SUPT3H: variants seen among roughly 807,000 people sequenced by gnomAD.
SUPT3H encodes the protein SPT3 homolog, SAGA and STAGA complex component.
Under a neutral mutation model 44.3 loss-of-function variants are expected in SUPT3H, and 44 were observed. That is an observed-to-expected ratio of 0.99 (90% CI 0.78 to 1.28). The LOEUF is 1.28. Among genes scored for constraint, SUPT3H ranks in the 50% most tolerant of loss-of-function variants. The probability of loss-of-function intolerance (pLI) is 0.00; values close to 1 mark genes in which losing one functional copy is unlikely to be tolerated. For synonymous variants in SUPT3H, 124 were observed against 125.6 expected, an observed-to-expected ratio of 0.99 and a Z score of 0.09; for missense variants, 380 against 387.1, an observed-to-expected ratio of 0.98 and a Z score of 0.15.
chr6:44,836,086 C>T (rs866023290), intron 10 of SUPT3H, among the ~76,000 whole-genome samples: 35 of 152,042 alleles, frequency 2.3e-4, no homozygotes, highest in African/African-American at 6.0e-4. Context: ...CTTGTGTCTG[C>T]GTGTGGGCAA....
At chr6:45,214,108 A>G (rs1764626915) in intron 2 of SUPT3H, among the ~76,000 whole-genome samples, 1 of 151,792 alleles carries the variant, frequency 6.6e-6, no homozygotes, top group Admixed American at 6.6e-5. Context: ...AAATGAGCAA[A>G]CACAGCTCAC....
downstream of SUPT3H, among the ~76,000 whole-genome samples, chr6:44,824,915 T>C (rs1030163088): frequency 2.0e-5 from 3 of 152,240 alleles, no homozygotes; most frequent in Non-Finnish European, 4.4e-5. Flanking sequence ...ATGACTACTA[T>C]ATAATTAATG....
chr6:45,314,589 G>A (rs767056850), intron 2 of SUPT3H, among the ~76,000 whole-genome samples: 14 of 152,132 alleles, frequency 9.2e-5, no homozygotes, highest in Non-Finnish European at 1.8e-4. Context: ...CAAAGGAGTC[G>A]AAAGACCTCT....
chr6:45,024,702 A>T lies in SUPT3H; in HGVS notation c.187-4070T>A, dbSNP rs373838812. On this transcript the variant is annotated intron_variant, in intron 3 of 10. Coordinates refer to ENST00000371459, the MANE Select transcript of SUPT3H (RefSeq NM_003599.4). ...GGGGTACATAGACATTTGGTCAAGC[A>T]TTATTCCGGGAGTGACTATGAGGGT... Among the ~76,000 whole-genome samples the T allele has an allele frequency of 1.7e-4, 26 of 152,200 alleles. 1 individual carries two copies. In the East Asian group the frequency reaches 3.3e-3, roughly 19 times the overall value.
At chr6:45,178,196 A>G (rs980326072) in intron 2 of SUPT3H, among the ~76,000 whole-genome samples, 2 of 152,228 alleles carry the variant, frequency 1.3e-5, no homozygotes, top group Admixed American at 1.3e-4. Flanking sequence ...AGAGACACAC[A>G]TAGGCTCAAA....
In SUPT3H at chr6:44,951,509, GAC is replaced by G. The variant is rs561624347; in HGVS notation, c.801+1799_801+1800del. On this transcript the variant is annotated intron_variant, in intron 9 of 10. Coordinates refer to ENST00000371459, the MANE Select transcript of SUPT3H (RefSeq NM_003599.4). The stretch of plus-strand genomic sequence containing the variant: ...CTTCCAGTCTCTGAATATTCATCTT[GAC>G]TACCAGTCACAGGAGGGGAGGGGTG... 2.3e-3 allele frequency among the ~76,000 whole-genome samples: 348 copies of G among 152,082 alleles called. 1 individual carries two copies. Among genetic ancestry groups the G allele is most frequent in the African/African-American group, 7.7e-3 (318 of 41,488 alleles).
At chr6:45,120,279 T>A (rs1197256316) in intron 2 of SUPT3H, among the ~76,000 whole-genome samples, 1 of 151,270 alleles carries the variant, frequency 6.6e-6, no homozygotes, top group Admixed American at 6.6e-5. Context: ...ATAAAGAAAA[T>A]TTTAAAAGTG....
At chr6:45,304,050 A>T (rs1418767069) in intron 2 of SUPT3H, among the ~76,000 whole-genome samples, 1 of 152,108 alleles carries the variant, frequency 6.6e-6, no homozygotes, top group Non-Finnish European at 1.5e-5. Flanking sequence ...TAGACTATAT[A>T]CTGTAGAAAG....
intron 2 of SUPT3H, among the ~76,000 whole-genome samples, chr6:45,242,118 A>C (rs1344522133): frequency 6.6e-6 from 1 of 152,220 alleles, no homozygotes; most frequent in Non-Finnish European, 1.5e-5. Context: ...AGAAAACTAG[A>C]TAAAATACAT....
At chr6:45,209,045 T>A (rs1240893607) in intron 2 of SUPT3H, among the ~76,000 whole-genome samples, 1 of 152,196 alleles carries the variant, frequency 6.6e-6, no homozygotes, top group Non-Finnish European at 1.5e-5. Context: ...CATATCTACT[T>A]ACAGCATGGT....
At chr6:44,903,595 C>T (rs1344421610) in intron 10 of SUPT3H, among the ~76,000 whole-genome samples, 1 of 152,102 alleles carries the variant, frequency 6.6e-6, no homozygotes, top group Non-Finnish European at 1.5e-5. Context: ...CGAATTCTAC[C>T]AGAGGTACAA....
intron 10 of SUPT3H, among the ~76,000 whole-genome samples, chr6:44,869,959 A>G (rs1352332931): frequency 6.6e-6 from 1 of 152,214 alleles, no homozygotes; most frequent in Non-Finnish European, 1.5e-5. Flanking sequence ...TAAATTTACA[A>G]AGCAAAAGTA....
At chr6:44,850,764 C>CTATCTATG (rs1205139487) in intron 10 of SUPT3H, among the ~76,000 whole-genome samples, 1 of 151,876 alleles carries the variant, frequency 6.6e-6, no homozygotes, top group African/African-American at 2.4e-5. Context: ...ATCTATCTAT[C>CTATCTATG]TATCTATCTA....
chr6:45,257,132 G>A (rs989405403), intron 2 of SUPT3H, among the ~76,000 whole-genome samples: 11 of 152,138 alleles, frequency 7.2e-5, no homozygotes, highest in African/African-American at 9.7e-5. Context: ...CTATCCTAGC[G>A]AGTGTGAAGT....
At chr6:44,905,897 C>T (rs1765965454) in intron 10 of SUPT3H, among the ~76,000 whole-genome samples, 1 of 152,080 alleles carries the variant, frequency 6.6e-6, no homozygotes, top group African/African-American at 2.4e-5. Context: ...AGCTGGAAAC[C>T]ATCATTCTCA....
chr6:45,195,336 T>C lies in SUPT3H; in HGVS notation c.102-89330A>G, dbSNP rs1460038884. Among the ~76,000 whole-genome samples, 3 of 152,242 alleles carry C rather than the reference T, an allele frequency of 2.0e-5. No individual in the cohort carries two copies. The East Asian group carries it at 5.8e-4, about 29-fold the overall frequency. ...AAAAGCCACCAACTAGGTACAGGTG[T>C]GTAGGTTTTAATGCTCTCAGCCTAT... is the stretch of plus-strand genomic sequence containing the variant. On this transcript the variant is annotated intron_variant, in intron 2 of 10. Coordinates refer to ENST00000371459, the MANE Select transcript of SUPT3H (RefSeq NM_003599.4).
Position 45,361,878 on chromosome 6 carries a change from C to T in SUPT3H, c.101+3323G>A, listed in dbSNP as rs542320341. Among the ~76,000 whole-genome samples, 596 of 152,200 alleles carry T rather than the reference C, an allele frequency of 3.9e-3. 7 individuals carry two copies. Among genetic ancestry groups the T allele is most frequent in the African/African-American group, 0.014 (568 of 41,498 alleles). On this transcript the variant is annotated intron_variant, in intron 2 of 10. Coordinates refer to ENST00000371459, the MANE Select transcript of SUPT3H (RefSeq NM_003599.4). ...CCAGCCTGGCCAACATGGTGAAACC[C>T]CATCTCTACTAAAAATACAAAAATC...
At chr6:45,031,895 C>G (rs1365353442) in intron 3 of SUPT3H, among the ~76,000 whole-genome samples, 2 of 152,104 alleles carry the variant, frequency 1.3e-5, no homozygotes, top group African/African-American at 4.8e-5. Flanking sequence ...TCTTATTTAG[C>G]AGTAATGACT....
Position 44,839,319 on chromosome 6 carries a change from A to T in SUPT3H, c.913-9462T>A, listed in dbSNP as rs571802496. The stretch of plus-strand genomic sequence containing the variant: ...AATAAATGTTTGTTTCACTATTATT[A>T]TTATTTTTTTTTGAAACTGGGTCTC... On this transcript the variant is annotated intron_variant, in intron 10 of 10. Coordinates refer to ENST00000371459, the MANE Select transcript of SUPT3H (RefSeq NM_003599.4). Among the ~76,000 whole-genome samples the T allele has an allele frequency of 7.0e-3, 820 of 117,896 alleles. 12 individuals are homozygous for T. Among genetic ancestry groups the T allele is most frequent in the African/African-American group, 0.022 (748 of 34,344 alleles). The allele number at this position is 117,896 out of a possible 152,430, so 77.3% of individuals were successfully genotyped here.
Sources: allele counts gnomAD v4.1 joint callset (sites outside exome capture counted in the v4.1 genomes callset), GRCh38; gene constraint gnomAD v4.1.1; transcripts MANE v1.5; gene names NCBI Gene and HGNC (gene_info 2026-07-23, HGNC 2026-07-21).